ARFGEF1: variants seen among roughly 807,000 people sequenced by gnomAD.
The protein encoded by ARFGEF1 is ARF guanine nucleotide exchange factor 1, also known as brefeldin A-inhibited guanine nucleotide-exchange protein 1.
A neutral mutation model predicts 231.0 loss-of-function variants in ARFGEF1; 42 were observed. The ratio of observed to expected loss-of-function variants is 0.18; its 90% CI spans 0.14 to 0.24. The LOEUF is 0.24. Ranked by LOEUF, ARFGEF1 falls within the 10% of genes least tolerant of loss-of-function variation. The pLI, the probability that ARFGEF1 is intolerant of heterozygous loss-of-function variation, is 1.00. For synonymous variants in ARFGEF1, 710 were observed against 732.3 expected (o/e 0.97, Z 0.49); for missense variants, 1,345 against 2,192.0 (o/e 0.61, Z 7.72).
chr8:67,197,092 C>T (rs1838053762), downstream of ARFGEF1, among the ~76,000 whole-genome samples: 1 of 152,162 alleles, frequency 6.6e-6, no homozygotes, highest in African/African-American at 2.4e-5. Context: ...AGAACTTTAG[C>T]TCTTTTCAGC....
At chr8:67,270,343 A>G (rs1243454473) in intron 10 of ARFGEF1, among the ~76,000 whole-genome samples, 1 of 152,186 alleles carries the variant, frequency 6.6e-6, no homozygotes, top group Non-Finnish European at 1.5e-5. Context: ...TTCTCATAAC[A>G]ATGCTCTAAA....
intron 7 of ARFGEF1, among the ~76,000 whole-genome samples, chr8:67,285,858 A>T (rs916872658): frequency 1.3e-5 from 2 of 152,178 alleles, no homozygotes; most frequent in African/African-American, 4.8e-5. Context: ...AATATTCTAC[A>T]AGGCAAAAGA....
chr8:67,205,465 C>A (rs756771237), intron 34 of ARFGEF1, among the ~76,000 whole-genome samples: 1 of 152,200 alleles, frequency 6.6e-6, no homozygotes, highest in Non-Finnish European at 1.5e-5. Context: ...GTTCCCGCTA[C>A]AAATTTTTTA....
intron 19 of ARFGEF1, among the ~76,000 whole-genome samples, chr8:67,244,022 C>G (rs1172011254): frequency 6.6e-6 from 1 of 151,800 alleles, no homozygotes; most frequent in Non-Finnish European, 1.5e-5. Context: ...GGTGGATCAT[C>G]TGAGATCAGG....
At chr8:67,291,577 C>T (rs537403875) in intron 6 of ARFGEF1, among the ~76,000 whole-genome samples, 1 of 152,014 alleles carries the variant, frequency 6.6e-6, no homozygotes, top group African/African-American at 2.4e-5. Flanking sequence ...CATTTATGAC[C>T]CTCTTTAGAA....
intron 19 of ARFGEF1, among the ~76,000 whole-genome samples, chr8:67,245,038 G>A (rs1258322761): frequency 2.0e-5 from 3 of 150,538 alleles, no homozygotes; most frequent in African/African-American, 7.4e-5. Context: ...ACTATTCAGT[G>A]GAAACCACAC....
At chr8:67,186,296 C>CTT (rs1834553434) in intron 5 of ARFGEF1, among the ~76,000 whole-genome samples, 2 of 151,982 alleles carry the variant, frequency 1.3e-5, no homozygotes, top group Non-Finnish European at 2.9e-5. Context: ...GCAACTCCAC[C>CTT]CTTTGCTTGG....
chr8:67,284,960 A>T (rs150022920), intron 7 of ARFGEF1, among the ~76,000 whole-genome samples: 84 of 152,310 alleles, frequency 5.5e-4, no homozygotes, highest in African/African-American at 1.9e-3. Context: ...AAAGACTAAC[A>T]GAATCACATC....
intron 1 of ARFGEF1, among the ~76,000 whole-genome samples, chr8:67,326,129 T>C (rs1388502922): frequency 6.6e-6 from 1 of 152,130 alleles, no homozygotes; most frequent in Non-Finnish European, 1.5e-5. Flanking sequence ...AACCTGGAGA[T>C]GGAGGGTGCA....
At chr8:67,286,037 A>C (rs1234827270) in intron 7 of ARFGEF1, among the ~76,000 whole-genome samples, 1 of 152,218 alleles carries the variant, frequency 6.6e-6, no homozygotes, top group Non-Finnish European at 1.5e-5. Flanking sequence ...AACACTGAAA[A>C]ATATATGTAT....
intron 7 of ARFGEF1, among the ~76,000 whole-genome samples, chr8:67,279,403 G>A (rs187511411): frequency 6.6e-6 from 1 of 152,052 alleles, no homozygotes; most frequent in Non-Finnish European, 1.5e-5. Flanking sequence ...CCTCCACTAA[G>A]TATTTTAACA....
chr8:67,184,666 G>C (rs1833934739), intron 5 of ARFGEF1, among the ~76,000 whole-genome samples: 2 of 151,860 alleles, frequency 1.3e-5, no homozygotes, highest in Non-Finnish European at 2.9e-5. Context: ...GGAGGTTACA[G>C]TGAGCTGAAA....
intron 22 of ARFGEF1, 32 bp from the exon 23 acceptor site, chr8:67,232,977 T>A: frequency 1.3e-6 from 2 of 1,527,052 alleles, no homozygotes; most frequent in Non-Finnish European, 1.8e-6. Context: ...CATTTCAGTT[T>A]GAAAATAATT....
intron 15 of ARFGEF1, among the ~76,000 whole-genome samples, chr8:67,258,697 G>A (rs10504399): frequency 0.13 from 19,605 of 151,940 alleles, 2,500 homozygotes; most frequent in African/African-American, 0.33. Context: ...GTTAAGATCC[G>A]CAGACTTTTG....
intron 5 of ARFGEF1, among the ~76,000 whole-genome samples, chr8:67,191,677 AT>A: frequency 6.6e-6 from 1 of 152,302 alleles, no homozygotes; most frequent in Middle Eastern, 3.4e-3. Flanking sequence ...AACAATAGAT[AT>A]TTGGGTTGTT....
intron 5 of ARFGEF1, among the ~76,000 whole-genome samples, chr8:67,183,205 T>C (rs190464679): frequency 7.6e-4 from 116 of 152,302 alleles, no homozygotes; most frequent in Non-Finnish European, 1.2e-3. Flanking sequence ...ACTGTTACAG[T>C]TGGAGATTTT....
At chr8:67,193,408 ATTTG>A (rs1395580110), downstream of ARFGEF1, 20 of 1,534,368 alleles carry the variant, frequency 1.3e-5, no homozygotes, top group Non-Finnish European at 1.8e-5. Flanking sequence ...TGATTCACTG[ATTTG>A]TGAACATATT....
chr8:67,238,985 G>A, intron 20 of ARFGEF1, 92 bp from the exon 21 acceptor site: 6 of 883,314 alleles, frequency 6.8e-6, no homozygotes, highest in African/African-American at 3.5e-5. Context: ...TGTTCAGTAA[G>A]ATTTTGTTTT....
downstream of ARFGEF1, chr8:67,195,706 A>G (rs1837803792): frequency 4.1e-6 from 3 of 740,390 alleles, no homozygotes; most frequent in East Asian, 8.1e-5. Flanking sequence ...TTTTTCCATC[A>G]TCTGTATATA....
Sources: gnomAD v4.1 joint callset for allele counts (sites outside exome capture counted in the v4.1 genomes callset) on GRCh38, gnomAD v4.1.1 for gene constraint, MANE v1.5 for transcripts, NCBI Gene and HGNC (gene_info 2026-07-23, HGNC 2026-07-21) for gene names.